Variants in PCSK5 observed in about 807,000 individuals in gnomAD.
The protein encoded by PCSK5 is proprotein convertase subtilisin/kexin type 5, also known as prohormone convertase 5.
In PCSK5, 129 loss-of-function variants were observed where a neutral mutation model predicts 233.2. The ratio of observed to expected loss-of-function variants is 0.55; its 90% CI spans 0.48 to 0.64. The LOEUF is 0.64. Ranked by LOEUF, PCSK5 falls within the 30% of genes least tolerant of loss-of-function variation. The pLI, the probability that PCSK5 is intolerant of heterozygous loss-of-function variation, is 0.00. For synonymous variants in PCSK5, 825 were observed against 879.2 expected (o/e 0.94, Z 1.09); for missense variants, 2,076 against 2,430.1 (o/e 0.85, Z 3.06).
chr9:76,318,997 C>A (rs1252860603), intron 30 of PCSK5, among the ~76,000 whole-genome samples: 1 of 151,952 alleles, frequency 6.6e-6, no homozygotes, highest in Non-Finnish European at 1.5e-5. Flanking sequence ...GAATATGAAC[C>A]CCAAATATCT....
In PCSK5 at chr9:76,274,713, G is replaced by C. The variant is rs113002471; in HGVS notation, c.3143-17520G>C. 7.6e-3 allele frequency among the ~76,000 whole-genome samples: 1,158 copies of C among 152,250 alleles called. 13 individuals are homozygous for C. The highest frequency in any genetic ancestry group is 0.026 in the African/African-American group (1,095 of 41,542). ...TAGCTTAGGGTTACACATTCTCAAAGGGGTTTTTTTGTTGTTTTATTTTAT... is the reference window on the plus strand; with the variant it reads ...TAGCTTAGGGTTACACATTCTCAAACGGGTTTTTTTGTTGTTTTATTTTAT... On this transcript the variant is annotated intron_variant, in intron 24 of 37. Transcript: ENST00000674117.
At chr9:76,137,841 T>C (rs1564054795) in intron 10 of PCSK5, among the ~76,000 whole-genome samples, 1 of 151,976 alleles carries the variant, frequency 6.6e-6, no homozygotes, top group African/African-American at 2.4e-5. Context: ...AAGGTGACTT[T>C]GGCATTCAGC....
intron 24 of PCSK5, among the ~76,000 whole-genome samples, chr9:76,258,904 G>T (rs1458129864): frequency 2.0e-5 from 3 of 152,152 alleles, no homozygotes; most frequent in African/African-American, 7.2e-5. Flanking sequence ...TGGTGCACGT[G>T]GCTAATGACA....
intron 32 of PCSK5, among the ~76,000 whole-genome samples, chr9:76,324,243 G>T (rs557389650): frequency 2.0e-5 from 3 of 151,336 alleles, no homozygotes; most frequent in African/African-American, 7.3e-5. Context: ...TGTTATTGTT[G>T]TTCTTGAGAT....
intron 2 of PCSK5, among the ~76,000 whole-genome samples, chr9:75,959,756 A>G (rs1424732762): frequency 1.3e-5 from 2 of 152,230 alleles, no homozygotes; most frequent in African/African-American, 2.4e-5. Context: ...ATTTGCAGCA[A>G]TAAACATTCA....
intron 1 of PCSK5, among the ~76,000 whole-genome samples, chr9:75,902,623 A>G (rs761896331): frequency 2.6e-5 from 4 of 152,206 alleles, no homozygotes; most frequent in Non-Finnish European, 5.9e-5. Flanking sequence ...GCGAAGTCTA[A>G]TGGGTTGGAA....
intron 20 of PCSK5, among the ~76,000 whole-genome samples, chr9:76,226,650 A>G (rs1825902428): frequency 6.6e-6 from 1 of 152,196 alleles, no homozygotes; most frequent in Admixed American, 6.5e-5. Context: ...GGGCATGACC[A>G]GTCTCTAAAC....
intron 7 of PCSK5, among the ~76,000 whole-genome samples, chr9:76,094,336 G>C (rs2131646392): frequency 6.6e-6 from 1 of 152,272 alleles, no homozygotes; most frequent in African/African-American, 2.4e-5. Flanking sequence ...GGCCTGGAAG[G>C]AAGAAAGTCT....
At chr9:75,955,501 G>A (rs1032244537) in intron 2 of PCSK5, among the ~76,000 whole-genome samples, 1 of 152,088 alleles carries the variant, frequency 6.6e-6, no homozygotes, top group Non-Finnish European at 1.5e-5. Context: ...TAATTCAATT[G>A]TAACATACTT....
chr9:76,354,134 C>A lies in PCSK5; in HGVS notation c.5169C>A (p.His1723Gln). The change falls in exon 37 of 38, where the codon CAC becomes CAA. Residue 1723 changes from histidine to glutamine, a missense_variant. Physicochemically the swap from His to Gln is conservative, Grantham distance 24 (BLOSUM62 0). Coordinates refer to ENST00000674117, the MANE Select transcript of PCSK5 (RefSeq NM_001372043.1). ...CTLCPANLVL[H>Q]MDDSHCLHCC... ...TGTGCCCTGCCAACCTGGTGCTGCA[C>A]ATGGACGACAGCCACTGCCTCCACT... 6.3e-7 allele frequency: 1 copy of A among 1,599,352 alleles called. No individual in the cohort carries two copies. Among genetic ancestry groups the A allele is most frequent in the East Asian group, 2.3e-5 (1 of 44,278 alleles).
chr9:76,130,639 C>T (rs1484298617), intron 9 of PCSK5, among the ~76,000 whole-genome samples: 1 of 151,986 alleles, frequency 6.6e-6, no homozygotes, highest in African/African-American at 2.4e-5. Flanking sequence ...ACTATGAGTT[C>T]AGCAAAGGAT....
chr9:75,902,462 G>C (rs1218017140), intron 1 of PCSK5, among the ~76,000 whole-genome samples: 1 of 152,042 alleles, frequency 6.6e-6, no homozygotes, highest in African/African-American at 2.4e-5. Flanking sequence ...AAAAATGGAT[G>C]GCCAGCTTGA....
chr9:75,957,415 T>TA (rs1234392447), intron 2 of PCSK5, among the ~76,000 whole-genome samples: 4 of 152,168 alleles, frequency 2.6e-5, no homozygotes, highest in East Asian at 1.9e-4. Context: ...GCAGTGTTGT[T>TA]ACAATAAATA....
At chr9:76,021,466 T>C (rs60614298) in intron 3 of PCSK5, among the ~76,000 whole-genome samples, 9,091 of 151,996 alleles carry the variant, frequency 0.06, 634 homozygotes, top group African/African-American at 0.17. Flanking sequence ...CCCCAAAAAC[T>C]GAAGGCACGA....
rs371705225 is a variant in PCSK5 at position 76,051,857 on chromosome 9, G to A, written c.633-16098G>A. 6.6e-5 allele frequency among the ~76,000 whole-genome samples: 10 copies of A among 152,296 alleles called. No homozygotes were observed. The East Asian group carries it at 9.6e-4, about 15-fold the overall frequency. Reference sequence around the variant, plus strand: ...CTCCAACCACATGGAGTAAAAACTAGTGGATCTAAGTCTCAGAAGACTAAA... The same window carrying A: ...CTCCAACCACATGGAGTAAAAACTAATGGATCTAAGTCTCAGAAGACTAAA... On this transcript the variant is annotated intron_variant, in intron 5 of 37. Coordinates refer to ENST00000674117, the MANE Select transcript of PCSK5 (RefSeq NM_001372043.1).
intron 18 of PCSK5, 23 bp downstream of exon 18, chr9:76,188,698 T>G (rs1824221344): frequency 6.4e-7 from 1 of 1,567,662 alleles, no homozygotes; most frequent in East Asian, 2.2e-5. Flanking sequence ...GTTCTTTTGT[T>G]TATTCTCCCG....
intron 1 of PCSK5, among the ~76,000 whole-genome samples, chr9:75,907,768 C>T (rs1826320114): frequency 6.6e-6 from 1 of 152,086 alleles, no homozygotes; most frequent in Admixed American, 6.6e-5. Flanking sequence ...CACAGAGTTC[C>T]CTAATGAAGA....
chr9:76,185,083 G>A (rs1404599975), intron 17 of PCSK5, among the ~76,000 whole-genome samples: 1 of 152,144 alleles, frequency 6.6e-6, no homozygotes, highest in African/African-American at 2.4e-5. Context: ...TTACTTTGCA[G>A]GTAATACCAA....
chr9:76,174,193 A>G (rs1170379666), intron 13 of PCSK5, among the ~76,000 whole-genome samples: 3 of 152,180 alleles, frequency 2.0e-5, no homozygotes, highest in Non-Finnish European at 4.4e-5. Context: ...GCACAGGTCT[A>G]TAGGACAGTA....
Sources: allele counts gnomAD v4.1 joint callset (sites outside exome capture counted in the v4.1 genomes callset), GRCh38; gene constraint gnomAD v4.1.1; transcripts MANE v1.5; gene names NCBI Gene and HGNC (gene_info 2026-07-23, HGNC 2026-07-21).